Variants in SLC25A21 observed in about 807,000 individuals in gnomAD.
The protein encoded by SLC25A21 is solute carrier family 25 member 21.
In SLC25A21, 47 loss-of-function variants were observed where a neutral mutation model predicts 43.8. The observed-to-expected ratio is 1.07, with a 90% CI of 0.85 to 1.37. SLC25A21 has a LOEUF of 1.37. SLC25A21 is among the 40% of genes most tolerant of loss of function. SLC25A21 has a pLI of 0.00. For missense variants in SLC25A21, 352 were observed against 350.2 expected (o/e 1.00, Z -0.04); for synonymous variants, 131 against 121.3 (o/e 1.08, Z -0.52).
chr14:36,697,456 G>C (rs544855873), intron 7 of SLC25A21, among the ~76,000 whole-genome samples: 37 of 152,240 alleles, frequency 2.4e-4, no homozygotes, highest in South Asian at 1.2e-3. Context: ...TTCAGGTCCT[G>C]GATATGCTTG....
chr14:36,881,808 A>G (rs1284030479), intron 1 of SLC25A21, among the ~76,000 whole-genome samples: 1 of 152,184 alleles, frequency 6.6e-6, no homozygotes, highest in African/African-American at 2.4e-5. Flanking sequence ...GGGCTTTAGT[A>G]ACCGTTTCAG....
At chr14:36,844,340 G>T (rs1445500457) in intron 2 of SLC25A21, among the ~76,000 whole-genome samples, 1 of 152,092 alleles carries the variant, frequency 6.6e-6, no homozygotes, top group Non-Finnish European at 1.5e-5. Context: ...TCCTGGTAAC[G>T]TGCTGGCACA....
chr14:36,761,024 A>C (rs1215129104), intron 3 of SLC25A21, among the ~76,000 whole-genome samples: 1 of 152,338 alleles, frequency 6.6e-6, no homozygotes, highest in East Asian at 1.9e-4. Context: ...TTGAAAACCA[A>C]CTGGATGTCA....
intron 4 of SLC25A21, among the ~76,000 whole-genome samples, chr14:36,733,634 C>T (rs977144943): frequency 2.0e-5 from 3 of 151,868 alleles, no homozygotes; most frequent in Non-Finnish European, 2.9e-5. Flanking sequence ...AGGAGTACTG[C>T]GAATACATTT....
At chr14:36,796,396 TC>T (rs1484019155) in intron 3 of SLC25A21, among the ~76,000 whole-genome samples, 11 of 151,852 alleles carry the variant, frequency 7.2e-5, no homozygotes, top group African/African-American at 1.9e-4. Context: ...TCTTTCTTTC[TC>T]TTTCTTTCTT....
intron 3 of SLC25A21, among the ~76,000 whole-genome samples, chr14:36,782,116 C>T (rs1334638897): frequency 1.3e-5 from 2 of 152,132 alleles, no homozygotes; most frequent in Admixed American, 1.3e-4. Flanking sequence ...AATGAGGGTT[C>T]CCTTGTATTT....
At chr14:36,836,998 G>C (rs61988027) in intron 2 of SLC25A21, among the ~76,000 whole-genome samples, 164 of 152,164 alleles carry the variant, frequency 1.1e-3, no homozygotes, top group South Asian at 6.2e-3. Context: ...CAAGACTAAA[G>C]AAAAACAAGA....
At chr14:36,917,352 G>T (rs1183033460) in intron 1 of SLC25A21, among the ~76,000 whole-genome samples, 2 of 152,182 alleles carry the variant, frequency 1.3e-5, no homozygotes, top group Non-Finnish European at 2.9e-5. Flanking sequence ...TGGACAACAG[G>T]GTTGAAATGG....
chr14:36,955,858 T>C (rs1011108799), intron 1 of SLC25A21, among the ~76,000 whole-genome samples: 2 of 152,092 alleles, frequency 1.3e-5, no homozygotes, highest in Non-Finnish European at 1.5e-5. Context: ...CACATACACA[T>C]ACAAAAAGTA....
intron 1 of SLC25A21, among the ~76,000 whole-genome samples, chr14:37,013,962 G>C (rs1230494341): frequency 6.6e-6 from 1 of 151,990 alleles, no homozygotes; most frequent in Non-Finnish European, 1.5e-5. Context: ...GTGTTAAATA[G>C]CATTATGTAT....
intron 9 of SLC25A21, among the ~76,000 whole-genome samples, chr14:36,682,156 GTCTCTCTCTCATTCTTTTTTTTTTTC>G (rs1423052210): frequency 1.3e-5 from 2 of 148,874 alleles, no homozygotes; most frequent in Admixed American, 6.8e-5. Context: ...TTTTTTTACT[GTCTCTCTCTCATTCTTTTTTTTTTTC>G]TCTCTCTCTC....
chr14:36,998,077 G>A (rs547511847), intron 1 of SLC25A21, among the ~76,000 whole-genome samples: 19 of 152,186 alleles, frequency 1.2e-4, no homozygotes, highest in African/African-American at 4.1e-4. Context: ...ACATTTTCCC[G>A]AAGTGCAATC....
At chr14:36,690,645 G>C (rs945598294) in intron 7 of SLC25A21, among the ~76,000 whole-genome samples, 1 of 152,138 alleles carries the variant, frequency 6.6e-6, no homozygotes, top group African/African-American at 2.4e-5. Context: ...AGGGGACTGG[G>C]AATGGGCATC....
At chr14:37,033,350 A>C (rs1239297210) in intron 1 of SLC25A21, among the ~76,000 whole-genome samples, 1 of 152,224 alleles carries the variant, frequency 6.6e-6, no homozygotes, top group Non-Finnish European at 1.5e-5. Flanking sequence ...TATATTTTTA[A>C]AATTTGTTCA....
intron 2 of SLC25A21, among the ~76,000 whole-genome samples, chr14:36,827,355 C>T (rs1317837409): frequency 6.6e-6 from 1 of 152,156 alleles, no homozygotes; most frequent in Non-Finnish European, 1.5e-5. Context: ...AAAACCACCA[C>T]AAAGTGTTCT....
intron 3 of SLC25A21, among the ~76,000 whole-genome samples, chr14:36,739,081 A>G (rs1308698607): frequency 6.6e-6 from 1 of 152,214 alleles, no homozygotes; most frequent in Non-Finnish European, 1.5e-5. Flanking sequence ...TTTTTAAAAC[A>G]ACTATTTTAA....
chr14:36,845,038 T>C (rs191253013), intron 2 of SLC25A21, among the ~76,000 whole-genome samples: 1 of 152,366 alleles, frequency 6.6e-6, no homozygotes, highest in Non-Finnish European at 1.5e-5. Flanking sequence ...GATGGCATGC[T>C]TTGTGCTGCA....
chr14:36,979,323 G>GTTTTGTT (rs1959959003), intron 1 of SLC25A21, among the ~76,000 whole-genome samples: 3 of 123,756 alleles, frequency 2.4e-5, no homozygotes, highest in African/African-American at 1.9e-4. Flanking sequence ...TTAAGGTAGT[G>GTTTTGTT]TTTTTTTGGT....
At chr14:36,927,392 G>A (rs1310768368) in intron 1 of SLC25A21, among the ~76,000 whole-genome samples, 5 of 152,188 alleles carry the variant, frequency 3.3e-5, no homozygotes, top group Non-Finnish European at 2.9e-5. Context: ...GTGATAACCT[G>A]AACCTATTCT....
Sources: gnomAD v4.1 joint callset for allele counts (sites outside exome capture counted in the v4.1 genomes callset) on GRCh38, gnomAD v4.1.1 for gene constraint, MANE v1.5 for transcripts, NCBI Gene and HGNC (gene_info 2026-07-23, HGNC 2026-07-21) for gene names.